CRTAC1: variants seen among roughly 807,000 people sequenced by gnomAD.
CRTAC1 encodes acidic secreted protein in cartilage.
CRTAC1 carries 37 observed loss-of-function variants against 67.8 expected under a neutral mutation model. The observed-to-expected ratio is 0.55, with a 90% confidence interval of 0.42 to 0.72. The LOEUF (loss-of-function observed/expected upper bound fraction) is 0.72. Among genes scored for constraint, CRTAC1 ranks in the 30% least tolerant of loss-of-function variants. CRTAC1 has a pLI of 0.00. For missense variants in CRTAC1, 780 were observed against 931.6 expected, an observed-to-expected ratio of 0.84 and a Z score of 2.12; for synonymous variants, 348 against 371.0, an observed-to-expected ratio of 0.94 and a Z score of 0.71.
intron 2 of CRTAC1, among the ~76,000 whole-genome samples, chr10:97,992,602 A>G (rs564320820): frequency 1.3e-5 from 2 of 152,362 alleles, no homozygotes; most frequent in Non-Finnish European, 2.9e-5. Flanking sequence ...ATAAAGTATT[A>G]TTTGGCCTTA....
At chr10:97,998,369 T>TA (rs1564929112) in intron 2 of CRTAC1, among the ~76,000 whole-genome samples, 3 of 151,992 alleles carry the variant, frequency 2.0e-5, no homozygotes, top group Admixed American at 6.6e-5. Flanking sequence ...TATTTTTTTT[T>TA]AAAAAGAGAT....
intron 4 of CRTAC1, among the ~76,000 whole-genome samples, chr10:97,919,945 C>A (rs1224410313): frequency 6.6e-6 from 1 of 151,740 alleles, no homozygotes; most frequent in African/African-American, 2.4e-5. Context: ...GACAGAGTCT[C>A]CCTATATTGC....
chr10:98,005,559 T>A (rs1253659556), intron 2 of CRTAC1, among the ~76,000 whole-genome samples: 1 of 151,768 alleles, frequency 6.6e-6, no homozygotes, highest in Non-Finnish European at 1.5e-5. Flanking sequence ...CGGATTTTGT[T>A]AAAAGCATAT....
chr10:97,955,322 C>T (rs1404489745), intron 2 of CRTAC1, among the ~76,000 whole-genome samples: 1 of 152,168 alleles, frequency 6.6e-6, no homozygotes, highest in African/African-American at 2.4e-5. Flanking sequence ...TCAGTCAAGT[C>T]GTTCCACTTG....
At position 97,880,362 on chromosome 10, in the gene CRTAC1, A is replaced by C. The variant is rs765552087; in HGVS notation, c.1706T>G (p.Val569Gly). ...ACATACGGGCTTGTCTCGAGGGCACACGAATGGGAACTGGATGCATTCATT... is the reference window on the plus strand; with the variant it reads ...ACATACGGGCTTGTCTCGAGGGCACCCGAATGGGAACTGGATGCATTCATT... ...DTNECIQFPF[V>G]CPRDKPVCVN... Residue 569 changes from valine to glycine, a missense_variant, in exon 14 of 15, where the codon GTG becomes GGG. By Grantham distance (109) the Val-to-Gly change is moderately radical. Coordinates refer to ENST00000370597, the MANE Select transcript of CRTAC1 (RefSeq NM_018058.7). 1 of 1,614,136 alleles carries C rather than the reference A, an allele frequency of 6.2e-7. No individual in the cohort carries two copies. Among genetic ancestry groups the C allele is most frequent in the East Asian group, 2.2e-5 (1 of 44,890 alleles).
intron 1 of CRTAC1, among the ~76,000 whole-genome samples, chr10:98,013,217 A>G (rs1264859534): frequency 6.6e-6 from 1 of 152,122 alleles, no homozygotes; most frequent in Non-Finnish European, 1.5e-5. Flanking sequence ...TGCTGTGATC[A>G]GCTTACAACA....
At chr10:97,942,848 C>T (rs1707515387) in intron 2 of CRTAC1, among the ~76,000 whole-genome samples, 1 of 151,880 alleles carries the variant, frequency 6.6e-6, no homozygotes, top group Non-Finnish European at 1.5e-5. Flanking sequence ...AGGAGGATCC[C>T]TTGAGCCCAG....
intron 1 of CRTAC1, among the ~76,000 whole-genome samples, chr10:98,020,933 G>C (rs1001169179): frequency 8.5e-5 from 13 of 152,172 alleles, no homozygotes; most frequent in Non-Finnish European, 1.6e-4. Context: ...TGAGAAAGCT[G>C]GGCTGGAAGC....
chr10:97,959,689 A>G (rs2051493598), intron 2 of CRTAC1, among the ~76,000 whole-genome samples: 1 of 152,214 alleles, frequency 6.6e-6, no homozygotes, highest in Non-Finnish European at 1.5e-5. Context: ...CCACTGGGCC[A>G]TAGGTAAGGC....
At chr10:97,890,293 A>G (rs1220105707) in intron 11 of CRTAC1, among the ~76,000 whole-genome samples, 1 of 98,900 alleles carries the variant, frequency 1.0e-5, no homozygotes, top group African/African-American at 4.1e-5. Flanking sequence ...ATTTTTGTAG[A>G]AAGGGGGGTC....
chr10:97,991,115 AAAAAAAAAAAAAG>A (rs1290526237), intron 2 of CRTAC1, among the ~76,000 whole-genome samples: 11 of 148,072 alleles, frequency 7.4e-5, no homozygotes, highest in African/African-American at 1.8e-4. Context: ...AAAAAAAAAA[AAAAAAAAAAAAAG>A]ATTATCTCAG....
chr10:97,906,620 T>G (rs1035021605), intron 6 of CRTAC1, among the ~76,000 whole-genome samples: 1 of 152,164 alleles, frequency 6.6e-6, no homozygotes, highest in African/African-American at 2.4e-5. Flanking sequence ...TTATGATTTT[T>G]CAGCAATGAG....
chr10:97,934,633 G>A (rs944704871), intron 3 of CRTAC1, among the ~76,000 whole-genome samples: 3 of 152,160 alleles, frequency 2.0e-5, no homozygotes, highest in Non-Finnish European at 2.9e-5. Flanking sequence ...TATGTGTCAG[G>A]GTGGGGAGCG....
intron 2 of CRTAC1, among the ~76,000 whole-genome samples, chr10:97,962,371 G>A (rs2051540270): frequency 6.6e-6 from 1 of 152,170 alleles, no homozygotes; most frequent in Admixed American, 6.5e-5. Context: ...CAGCTGTAAA[G>A]GAATTAATGC....
At chr10:97,973,574 A>C (rs1448218916) in intron 2 of CRTAC1, among the ~76,000 whole-genome samples, 1 of 151,966 alleles carries the variant, frequency 6.6e-6, no homozygotes, top group Non-Finnish European at 1.5e-5. Context: ...CCCCACTGAA[A>C]CTTTTCTCCT....
At chr10:97,868,753 G>A (rs1365656270) in intron 14 of CRTAC1, 1 of 152,202 alleles carries the variant, frequency 6.6e-6, no homozygotes, top group African/African-American at 2.4e-5. Flanking sequence ...TAGAGATGAG[G>A]TCCTGGGGAG....
chr10:97,893,810 G>A (rs1026295192), intron 11 of CRTAC1, among the ~76,000 whole-genome samples: 1 of 151,704 alleles, frequency 6.6e-6, no homozygotes, highest in African/African-American at 2.4e-5. Context: ...TTATAATTTT[G>A]TCATTTTGAG....
intron 2 of CRTAC1, among the ~76,000 whole-genome samples, chr10:97,963,466 A>G (rs950546034): frequency 3.3e-4 from 51 of 152,340 alleles, no homozygotes; most frequent in African/African-American, 1.2e-3. Context: ...GGCTTGGACT[A>G]TTGCAACAGT....
chr10:97,917,741 T>C (rs1441172867), intron 4 of CRTAC1, 85 bp from the exon 5 acceptor site: 1 of 1,138,928 alleles, frequency 8.8e-7, no homozygotes, highest in Non-Finnish European at 1.2e-6. Context: ...GGTAGGACCA[T>C]AGCTCTTTCA....
Sources: gnomAD v4.1 joint callset for allele counts (sites outside exome capture counted in the v4.1 genomes callset) on GRCh38, gnomAD v4.1.1 for gene constraint, MANE v1.5 for transcripts, NCBI Gene and HGNC (gene_info 2026-07-23, HGNC 2026-07-21) for gene names.